The following FRMD4B variants were observed in gnomAD, a reference collection of about 807,000 sequenced individuals.
FRMD4B encodes the protein FERM domain containing 4B.
FRMD4B carries 74 observed loss-of-function variants against 141.5 expected under a neutral mutation model. That is an observed-to-expected ratio of 0.52 (90% confidence interval 0.43 to 0.63). The LOEUF (loss-of-function observed/expected upper bound fraction) is 0.63, where lower values mean the gene tolerates loss of function less well. Ranked by LOEUF, FRMD4B falls within the 30% of genes least tolerant of loss-of-function variation. The probability of loss-of-function intolerance (pLI) is 0.00; values close to 1 mark genes in which losing one functional copy is unlikely to be tolerated. For missense variants in FRMD4B, 1,366 were observed against 1,253.4 expected (o/e 1.09, Z -1.36); for synonymous variants, 506 against 467.9 (o/e 1.08, Z -1.05).
At chr3:69,517,083 TAAGGA>T (rs1700772377) in intron 1 of FRMD4B, among the ~76,000 whole-genome samples, 1 of 152,130 alleles carries the variant, frequency 6.6e-6, no homozygotes, top group African/African-American at 2.4e-5. Flanking sequence ...GGCAGTATCT[TAAGGA>T]TGAGATTTAA....
chr3:69,456,860 A>G (rs370717597), intron 1 of FRMD4B, among the ~76,000 whole-genome samples: 28 of 152,078 alleles, frequency 1.8e-4, no homozygotes, highest in African/African-American at 6.5e-4. Flanking sequence ...TTTCTTTTAC[A>G]TGTTGTCTAT....
intron 7 of FRMD4B, among the ~76,000 whole-genome samples, chr3:69,245,664 C>CTTTTTT (rs71115668): frequency 9.8e-6 from 1 of 102,476 alleles, no homozygotes; most frequent in East Asian, 2.6e-4. Flanking sequence ...ATTTTCTTTT[C>CTTTTTT]TTTTTTTTTT....
At chr3:69,266,184 A>T (rs1050439569) in intron 5 of FRMD4B, among the ~76,000 whole-genome samples, 1 of 152,046 alleles carries the variant, frequency 6.6e-6, no homozygotes. Context: ...CCTGGGTGAC[A>T]GAGTGAGACC....
rs192453965 is a variant in FRMD4B, at chr3:69,461,331, C to A, written c.-128-28570G>T. On this transcript the variant is annotated intron_variant, in intron 1 of 5. Coordinates refer to the FRMD4B transcript ENST00000459638. Reference sequence around the variant, plus strand: ...CAGCACTTTGGAAGGCCAAGGTGGGCCGAGATTGCTTGAAGCTGGGAGTTC... The same window carrying A: ...CAGCACTTTGGAAGGCCAAGGTGGGACGAGATTGCTTGAAGCTGGGAGTTC... 3.6e-4 allele frequency among the ~76,000 whole-genome samples: 55 copies of A among 152,136 alleles called. 1 individual carries two copies. The highest frequency in any genetic ancestry group is 1.5e-3 in the South Asian group (7 of 4,820).
intron 1 of FRMD4B, among the ~76,000 whole-genome samples, chr3:69,472,753 A>AGG (rs1705913600): frequency 6.6e-6 from 1 of 152,032 alleles, no homozygotes; most frequent in Non-Finnish European, 1.5e-5. Flanking sequence ...GACCCGGAAG[A>AGG]GGGGTTGCCA....
At chr3:69,508,345 G>A (rs1706632867) in intron 1 of FRMD4B, among the ~76,000 whole-genome samples, 1 of 152,194 alleles carries the variant, frequency 6.6e-6, no homozygotes, top group Non-Finnish European at 1.5e-5. Context: ...TACTGATGAT[G>A]TCTTCCACTT....
intron 2 of FRMD4B, among the ~76,000 whole-genome samples, chr3:69,423,046 T>C (rs549258903): frequency 1.4e-4 from 21 of 152,320 alleles, no homozygotes; most frequent in African/African-American, 5.1e-4. Context: ...AGGGCCCTTT[T>C]TTGTGAGACA....
intron 1 of FRMD4B, among the ~76,000 whole-genome samples, chr3:69,356,027 T>A (rs932235017): frequency 6.8e-5 from 1 of 14,630 alleles, no homozygotes; most frequent in African/African-American, 2.3e-4. Context: ...AGATTCCATC[T>A]CAAAAAAGAA....
chr3:69,293,880 CAAAAAAAAAA>C (rs10699871), intron 4 of FRMD4B, among the ~76,000 whole-genome samples: 35 of 74,440 alleles, frequency 4.7e-4, no homozygotes, highest in South Asian at 1.3e-3. Flanking sequence ...GATTCTGCCT[CAAAAAAAAAA>C]AAAAAAAAAA....
intron 17 of FRMD4B, among the ~76,000 whole-genome samples, chr3:69,191,439 CA>C (rs1448543145): frequency 6.6e-6 from 1 of 151,266 alleles, no homozygotes; most frequent in Non-Finnish European, 1.5e-5. Context: ...AAACAAAAAA[CA>C]AACAAAAAAA....
At chr3:69,244,290 T>C (rs867935243) in intron 7 of FRMD4B, among the ~76,000 whole-genome samples, 9 of 151,964 alleles carry the variant, frequency 5.9e-5, no homozygotes, top group African/African-American at 1.9e-4. Context: ...GAAGAGGAGC[T>C]GGTTTGGAGG....
At chr3:69,308,387 C>G (rs1206518959) in intron 3 of FRMD4B, among the ~76,000 whole-genome samples, 1 of 151,996 alleles carries the variant, frequency 6.6e-6, no homozygotes, top group Non-Finnish European at 1.5e-5. Context: ...CCCTCTCAAC[C>G]CTCCTCCTGT....
intron 1 of FRMD4B, among the ~76,000 whole-genome samples, chr3:69,529,868 G>T (rs1426161421): frequency 6.6e-6 from 1 of 152,192 alleles, no homozygotes; most frequent in Non-Finnish European, 1.5e-5. Context: ...AGTTGAAGTA[G>T]TAGTGGAATT....
At chr3:69,176,172 T>A (rs772552109) in intron 22 of FRMD4B, among the ~76,000 whole-genome samples, 1 of 152,044 alleles carries the variant, frequency 6.6e-6, no homozygotes, top group East Asian at 1.9e-4. Context: ...AAGAATTCAA[T>A]GTAATACTGA....
intron 1 of FRMD4B, among the ~76,000 whole-genome samples, chr3:69,501,228 CTTTTT>C (rs534864440): frequency 1.7e-5 from 2 of 117,300 alleles, no homozygotes; most frequent in Admixed American, 8.8e-5. Context: ...CATGGACCTT[CTTTTT>C]TTTTTTTTTT....
intron 1 of FRMD4B, among the ~76,000 whole-genome samples, chr3:69,480,949 C>T (rs1023234367): frequency 1.3e-5 from 2 of 152,186 alleles, no homozygotes; most frequent in African/African-American, 4.8e-5. Flanking sequence ...TGCCGCCTTG[C>T]AGTTTGATCT....
intron 1 of FRMD4B, among the ~76,000 whole-genome samples, chr3:69,438,949 C>T (rs1243116979): frequency 6.6e-6 from 1 of 152,048 alleles, no homozygotes; most frequent in African/African-American, 2.4e-5. Context: ...GTGATAGAAC[C>T]ACACAGAATT....
chr3:69,288,844 G>A lies in FRMD4B; in HGVS notation c.417-1008C>T, dbSNP rs1346764271. Among the ~76,000 whole-genome samples the A allele has an allele frequency of 3.9e-5, 6 of 152,316 alleles. No individual in the cohort carries two copies. The South Asian group carries it at 6.2e-4, about 16-fold the overall frequency. Reference sequence around the variant, plus strand: ...CAGGTGAACCTATCCTTAGCTCTGCGGAATCCTGAGTGCTTGAGCCTTTGC... The same window carrying A: ...CAGGTGAACCTATCCTTAGCTCTGCAGAATCCTGAGTGCTTGAGCCTTTGC... On this transcript the variant is annotated intron_variant, in intron 4 of 22. Coordinates refer to ENST00000398540, the MANE Select transcript of FRMD4B (RefSeq NM_015123.3).
chr3:69,357,777 C>A (rs1703365479), intron 1 of FRMD4B, among the ~76,000 whole-genome samples: 1 of 152,198 alleles, frequency 6.6e-6, no homozygotes, highest in South Asian at 2.1e-4. Context: ...TAGCACTAAA[C>A]CATTTGTCAT....
Sources: allele counts gnomAD v4.1 joint callset (sites outside exome capture counted in the v4.1 genomes callset), GRCh38; gene constraint gnomAD v4.1.1; transcripts MANE v1.5; gene names NCBI Gene and HGNC (gene_info 2026-07-23, HGNC 2026-07-21).